The following FSTL4 variants were observed in gnomAD, a reference collection of about 807,000 sequenced individuals.
The protein encoded by FSTL4 is follistatin-related protein 4.
Under a neutral mutation model 78.2 loss-of-function variants are expected in FSTL4, and 28 were observed. The ratio of observed to expected loss-of-function variants is 0.36; its 90% CI spans 0.27 to 0.49. FSTL4 has a LOEUF of 0.49. Ranked by LOEUF, FSTL4 falls within the 20% of genes least tolerant of loss-of-function variation. FSTL4 has a pLI of 0.98. For synonymous variants in FSTL4, 422 were observed against 440.5 expected (o/e 0.96, Z 0.53); for missense variants, 922 against 1,084.9 (o/e 0.85, Z 2.11).
At chr5:133,666,556 C>A in the FSTL4 span, among the ~76,000 whole-genome samples, 1 of 150,658 alleles carries the variant, frequency 6.6e-6, no homozygotes, top group African/African-American at 2.4e-5. Context: ...AACGTTAAAG[C>A]TTTTTCTCAA....
the FSTL4 span, among the ~76,000 whole-genome samples, chr5:133,721,619 T>C: frequency 6.6e-6 from 1 of 152,244 alleles, no homozygotes; most frequent in East Asian, 1.9e-4. Flanking sequence ...TATACTGGCC[T>C]GTAAGGTTTC....
At chr5:133,318,721 T>A (rs943522320) in intron 4 of FSTL4, among the ~76,000 whole-genome samples, 45 of 152,348 alleles carry the variant, frequency 3.0e-4, no homozygotes, top group African/African-American at 1.1e-3. Context: ...CCGAAGAACA[T>A]GCTGCAGCAG....
chr5:133,507,666 G>A (rs1198159986), intron 3 of FSTL4, among the ~76,000 whole-genome samples: 3 of 151,726 alleles, frequency 2.0e-5, no homozygotes, highest in African/African-American at 4.8e-5. Context: ...GGGATTACAG[G>A]CGCCCGACAC....
chr5:133,686,201 A>G, the FSTL4 span, among the ~76,000 whole-genome samples: 2 of 152,230 alleles, frequency 1.3e-5, no homozygotes, highest in South Asian at 4.1e-4. Flanking sequence ...AAAAGTGAAC[A>G]GCCCAGACCC....
chr5:133,364,648 A>G (rs577919884), intron 4 of FSTL4, among the ~76,000 whole-genome samples: 123 of 152,268 alleles, frequency 8.1e-4, no homozygotes, highest in African/African-American at 2.8e-3. Context: ...GTGCCAGTAA[A>G]TCTTTTAGTC....
At chr5:133,244,398 C>CCT (rs1751972257) in intron 7 of FSTL4, 2 of 152,304 alleles carry the variant, frequency 1.3e-5, no homozygotes. Context: ...TCCTCAAGGA[C>CCT]TGAGGTGAGT....
chr5:133,827,304 G>A, the FSTL4 span, among the ~76,000 whole-genome samples: 65 of 152,258 alleles, frequency 4.3e-4, no homozygotes, highest in South Asian at 4.1e-3. Flanking sequence ...GTAATGAATC[G>A]TTCAACCATG....
chr5:133,806,261 G>A, the FSTL4 span, among the ~76,000 whole-genome samples: 50 of 152,022 alleles, frequency 3.3e-4, 1 homozygote, highest in East Asian at 2.3e-3. Context: ...AGTAGACAAC[G>A]TCCTCCACTG....
chr5:133,665,167 C>T, the FSTL4 span, among the ~76,000 whole-genome samples: 9 of 152,244 alleles, frequency 5.9e-5, no homozygotes, highest in East Asian at 1.7e-3. Context: ...ATGAGTGGGA[C>T]TTTGAAAAAA....
chr5:133,276,194 T>G (rs1465056782), intron 6 of FSTL4, among the ~76,000 whole-genome samples: 1 of 152,162 alleles, frequency 6.6e-6, no homozygotes, highest in African/African-American at 2.4e-5. Flanking sequence ...ACATCTCTTG[T>G]CCCCCAGGGT....
chr5:133,353,870 G>A (rs1014900903), intron 4 of FSTL4, among the ~76,000 whole-genome samples: 8 of 152,308 alleles, frequency 5.3e-5, no homozygotes, highest in African/African-American at 1.9e-4. Context: ...CAGGAGCCCT[G>A]AGCGTGCTGG....
chr5:133,730,116 G>T, the FSTL4 span, among the ~76,000 whole-genome samples: 1 of 152,174 alleles, frequency 6.6e-6, no homozygotes, highest in Non-Finnish European at 1.5e-5. Flanking sequence ...GGTTAGCCTG[G>T]CTGAAGCAGT....
At chr5:133,706,851 G>T in the FSTL4 span, among the ~76,000 whole-genome samples, 1 of 152,058 alleles carries the variant, frequency 6.6e-6, no homozygotes, top group Admixed American at 6.6e-5. Context: ...AGGAGGAGCG[G>T]TAAGGCAGTG....
chr5:133,356,116 T>G (rs1478431373), intron 4 of FSTL4, among the ~76,000 whole-genome samples: 1 of 152,232 alleles, frequency 6.6e-6, no homozygotes, highest in Non-Finnish European at 1.5e-5. Flanking sequence ...GGCTGTGCTG[T>G]AAGAAGTCCT....
rs1456164217 is a variant in FSTL4, at chr5:133,426,093, T to C, written c.161-25107A>G. The stretch of plus-strand genomic sequence containing the variant: ...GAAGTGGACCAGTCTTGACTTCCTC[T>C]GTAGCTTTCACCTTCCTCATTGCCC... On this transcript the variant is annotated intron_variant, in intron 3 of 15. Transcript: ENST00000265342. This position sits in a 1 kb window ranked among gnomAD's most constrained non-coding sequence, Gnocchi z 5.0. Among the ~76,000 whole-genome samples, 1 of 152,220 alleles carries C rather than the reference T, an allele frequency of 6.6e-6. No individual in the cohort carries two copies. Among genetic ancestry groups the C allele is most frequent in the Non-Finnish European group, 1.5e-5 (1 of 68,038 alleles).
rs549384006 is a variant in FSTL4 at position 133,503,489 on chromosome 5, G to A, written c.160+63697C>T. 3.3e-5 allele frequency among the ~76,000 whole-genome samples: 5 copies of A among 152,222 alleles called. No homozygotes were observed. In the South Asian group the frequency reaches 1.0e-3, roughly 32 times the overall value. The stretch of plus-strand genomic sequence containing the variant: ...AGCAAATGGAGGAAGTTGTCTTGAG[G>A]GAATTCAGACAGGCTTGGTGTAAAA... On this transcript the variant is annotated intron_variant, in intron 3 of 15. Transcript: ENST00000265342.
intron 3 of FSTL4, among the ~76,000 whole-genome samples, chr5:133,415,850 A>G (rs1423936856): frequency 6.6e-6 from 1 of 152,190 alleles, no homozygotes; most frequent in Non-Finnish European, 1.5e-5. Flanking sequence ...CAAATATGAA[A>G]AGAGGGAACA....
intron 3 of FSTL4, among the ~76,000 whole-genome samples, chr5:133,556,382 T>C (rs535301215): frequency 4.6e-5 from 7 of 152,330 alleles, no homozygotes; most frequent in African/African-American, 1.7e-4. Flanking sequence ...CTAAAACTTT[T>C]GCCTCTAAAT....
chr5:133,366,524 T>C (rs1440299658), intron 4 of FSTL4, among the ~76,000 whole-genome samples: 1 of 151,970 alleles, frequency 6.6e-6, no homozygotes, highest in African/African-American at 2.4e-5. Flanking sequence ...GACAGTGACA[T>C]GCAATTTATT....
Sources: gnomAD v4.1 joint callset for allele counts (sites outside exome capture counted in the v4.1 genomes callset) on GRCh38, gnomAD v4.1.1 for gene constraint, Gnocchi (gnomAD v3.1) non-coding constraint, MANE v1.5 for transcripts, NCBI Gene and HGNC (gene_info 2026-07-23, HGNC 2026-07-21) for gene names.